Variants in EBF3 observed in about 807,000 individuals in gnomAD.
EBF3 encodes transcription factor COE3.
EBF3 carries 18 observed loss-of-function variants against 77.1 expected under a neutral mutation model. The observed-to-expected ratio is 0.23, with a 90% CI of 0.16 to 0.35. The LOEUF (loss-of-function observed/expected upper bound fraction) is 0.35, where lower values mean the gene tolerates loss of function less well. EBF3 is among the 10% of genes least tolerant of loss of function. EBF3 has a pLI of 1.00. For missense variants in EBF3, 558 were observed against 860.0 expected, an observed-to-expected ratio of 0.65 and a Z score of 4.39; for synonymous variants, 350 against 343.5, an observed-to-expected ratio of 1.02 and a Z score of -0.21.
At chr10:129,867,053 G>A (rs1475546873) in intron 10 of EBF3, 88 bp downstream of exon 10, 56 of 1,502,292 alleles carry the variant, frequency 3.7e-5, no homozygotes, top group Admixed American at 4.6e-5. Context: ...TGCCCTCTCT[G>A]TACAGTCCTC....
intron 6 of EBF3, among the ~76,000 whole-genome samples, chr10:129,948,264 A>C (rs1216828648): frequency 1.4e-5 from 2 of 142,296 alleles, no homozygotes; most frequent in East Asian, 2.0e-4. Context: ...CGTCTCAAAA[A>C]AAAAAAAAAA....
rs376030950 is a variant in EBF3, at chr10:129,873,475, G to T, written c.758C>A (p.Thr253Lys). 1 of 1,569,646 alleles carries T rather than the reference G, an allele frequency of 6.4e-7. No individual in the cohort carries two copies. Among genetic ancestry groups the T allele is most frequent in the Non-Finnish European group, 8.7e-7 (1 of 1,155,786 alleles). Residue 253 changes from threonine to lysine, a missense_variant, in exon 8 of 17, where the codon ACG (threonine) becomes AAG (lysine). By Grantham distance (78) the Thr-to-Lys change is moderately conservative. Transcript: ENST00000440978. ...ACCATTTTCCAGATAAGAAGGGGCC[G>T]TACCTTCTGACGGGTCTAGGCGGCG... ...RARRLDPSEGTAPSYLENATP... is the reference protein window; with the variant it reads ...RARRLDPSEGKAPSYLENATP...
rs115589934 is a variant in EBF3 at position 129,845,903 on chromosome 10, C to T, written c.1128+2489G>A. ...TAATTTGTTAGAGCACAATTCCATG[C>T]ATAAAATGTAATTTGTTTTTTCTGC... On this transcript the variant is annotated intron_variant, in intron 11 of 16. Transcript: ENST00000440978. 628 of 148,612 alleles carry T rather than the reference C, an allele frequency of 4.2e-3. 3 individuals are homozygous for T. The highest frequency in any genetic ancestry group is 0.015 in the African/African-American group (592 of 40,508). 9.2% of individuals were successfully genotyped at this position (148,612 alleles called of 1,614,324 possible).
intron 6 of EBF3, among the ~76,000 whole-genome samples, chr10:129,956,802 C>T (rs1278251477): frequency 2.0e-5 from 3 of 152,192 alleles, no homozygotes; most frequent in African/African-American, 4.8e-5. Flanking sequence ...ACACATTTTG[C>T]AACTAATTGA....
At position 129,963,873 on chromosome 10, in the gene EBF3, T is replaced by A; in HGVS notation, c.-105A>T. ...GCTGCCCTGGCCGCCCTCGCCCTGC[T>A]CGGCGCCTGCGGTCCGGCCCCGCCG... is the stretch of plus-strand genomic sequence containing the variant. On this transcript the variant is annotated 5_prime_UTR_variant, in exon 1 of 17. Coordinates refer to ENST00000440978, the MANE Select transcript of EBF3 (RefSeq NM_001375380.1). The surrounding 1 kb of genome is among the most constrained non-coding windows in gnomAD (Gnocchi z 7.1). 7 of 1,244,666 alleles carry A rather than the reference T, an allele frequency of 5.6e-6. No individual in the cohort carries two copies. The highest frequency in any genetic ancestry group is 7.1e-6 in the Non-Finnish European group (7 of 988,214). The allele number at this position is 1,244,666 out of a possible 1,614,324, so 77.1% of individuals were successfully genotyped here. A position where few individuals can be genotyped will look rare whatever the true frequency, so the allele number is the denominator to read the frequency against.
At chr10:129,962,276 C>A (rs765698757) in intron 3 of EBF3, 50 bp from the exon 4 acceptor site, 2 of 1,585,040 alleles carry the variant, frequency 1.3e-6, no homozygotes, top group South Asian at 1.1e-5. Context: ...TGCTGCACCT[C>A]GGGGAGGGCA....
rs557992412 is a variant in EBF3, at chr10:129,890,308, C to T, written c.555-12459G>A. Among the ~76,000 whole-genome samples, 12 of 152,310 alleles carry T rather than the reference C, an allele frequency of 7.9e-5. No homozygotes were observed. The East Asian group carries it at 2.1e-3, about 27-fold the overall frequency. On this transcript the variant is annotated intron_variant, in intron 6 of 16. Coordinates refer to ENST00000440978, the MANE Select transcript of EBF3 (RefSeq NM_001375380.1). Reference sequence around the variant, plus strand: ...GACCCTGAACTGTGGCCTGGACTGCCGAGACCCCAGGCGGCAGGCCGGCTC... The same window carrying T: ...GACCCTGAACTGTGGCCTGGACTGCTGAGACCCCAGGCGGCAGGCCGGCTC...
chr10:129,957,387 T>C, intron 5 of EBF3, 61 bp from the exon 6 acceptor site: 2 of 1,338,960 alleles, frequency 1.5e-6, no homozygotes, highest in Non-Finnish European at 2.0e-6. Flanking sequence ...GCCCGACTTG[T>C]ATTTTTTTTT....
intron 9 of EBF3, 46 bp downstream of exon 9, chr10:129,867,736 C>T: frequency 6.2e-7 from 1 of 1,608,044 alleles, no homozygotes; most frequent in Non-Finnish European, 8.5e-7. Context: ...CAAATCCATT[C>T]ATGAAGACAG....
At chr10:129,930,198 C>T (rs1487254383) in intron 6 of EBF3, among the ~76,000 whole-genome samples, 6 of 152,194 alleles carry the variant, frequency 3.9e-5, no homozygotes, top group Non-Finnish European at 8.8e-5. Context: ...AGTTCTGAGG[C>T]CTTCAGACTT....
At chr10:129,925,746 A>T (rs1245071867) in intron 6 of EBF3, among the ~76,000 whole-genome samples, 1 of 152,188 alleles carries the variant, frequency 6.6e-6, no homozygotes, top group Admixed American at 6.5e-5. Context: ...AAATTGGAAA[A>T]AAAAATAAAA....
chr10:129,947,902 G>A lies in EBF3; in HGVS notation c.554+9356C>T, dbSNP rs1308006898. Among the ~76,000 whole-genome samples the A allele has an allele frequency of 1.3e-5, 2 of 151,926 alleles. No individual in the cohort carries two copies. The highest frequency in any genetic ancestry group is 4.8e-5 in the African/African-American group (2 of 41,352). ...AATTATATTCAAAGAGAGTATTATC[G>A]GTGAGCTAAAAAGTCACAAGAAGAC... On this transcript the variant is annotated intron_variant, in intron 6 of 16. Transcript: ENST00000440978. The surrounding 1 kb of genome is among the most constrained non-coding windows in gnomAD (Gnocchi z 4.5).
At chr10:129,954,753 C>G (rs779243568) in intron 6 of EBF3, among the ~76,000 whole-genome samples, 1 of 152,154 alleles carries the variant, frequency 6.6e-6, no homozygotes, top group Non-Finnish European at 1.5e-5. Flanking sequence ...GCCGGCAAAG[C>G]ACGTTGTATA....
Position 129,841,115 on chromosome 10 carries a change from A to T in EBF3, c.1373-83T>A. The T allele has an allele frequency of 6.6e-7, 1 of 1,520,588 alleles. No individual in the cohort carries two copies. Among genetic ancestry groups the T allele is most frequent in the South Asian group, 1.3e-5 (1 of 79,826 alleles). The allele number at this position is 1,520,588 out of a possible 1,614,324, so 94.2% of individuals were successfully genotyped here. ...GGGGGGTTCCCCGAGAATCTATATC[A>T]TATATTAACATTGCTAATTGACCCT... On this transcript the variant is annotated intron_variant, in intron 13 of 16. Transcript: ENST00000440978. The surrounding 1 kb of genome is among the most constrained non-coding windows in gnomAD (Gnocchi z 4.6).
chr10:129,927,851 C>T (rs1391634754), intron 6 of EBF3, among the ~76,000 whole-genome samples: 1 of 152,196 alleles, frequency 6.6e-6, no homozygotes. Context: ...TGCTCCCCTC[C>T]TCTGCCCTGC....
At chr10:129,931,951 G>T (rs1421295574) in intron 6 of EBF3, among the ~76,000 whole-genome samples, 2 of 152,100 alleles carry the variant, frequency 1.3e-5, no homozygotes, top group African/African-American at 4.8e-5. Context: ...TTTCAGAGGT[G>T]ACCAAGCCTC....
At chr10:129,954,375 T>C (rs761213355) in intron 6 of EBF3, among the ~76,000 whole-genome samples, 4 of 152,112 alleles carry the variant, frequency 2.6e-5, no homozygotes, top group Non-Finnish European at 5.9e-5. Flanking sequence ...ACCTTTGCAG[T>C]GCATGAAATG....
intron 6 of EBF3, among the ~76,000 whole-genome samples, chr10:129,910,396 G>T (rs960764930): frequency 2.0e-5 from 3 of 152,158 alleles, no homozygotes; most frequent in African/African-American, 7.2e-5. Flanking sequence ...ACAGCTATGT[G>T]TATGCACACA....
chr10:129,841,042 T>TCCGCC lies in EBF3; in HGVS notation c.1373-11_1373-10insGGCGG. 17 of 1,507,650 alleles carry TCCGCC rather than the reference T, an allele frequency of 1.1e-5. No homozygotes were observed. The highest frequency in any genetic ancestry group is 5.2e-5 in the South Asian group (4 of 76,902). 93.4% of individuals were successfully genotyped at this position (1,507,650 alleles called of 1,614,324 possible). On this transcript the variant is annotated splice_polypyrimidine_tract_variant and intron_variant, in intron 13 of 16. Transcript: ENST00000440978. This position sits in a 1 kb window ranked among gnomAD's most constrained non-coding sequence, Gnocchi z 4.6. ...TTGCGACTGTAGCCGACTGTTGAAATCCCCCCCCCGGCCAAAAATAACATT... is the reference window on the plus strand; with the variant it reads ...TTGCGACTGTAGCCGACTGTTGAAATCCGCCCCCCCCCCCGGCCAAAAATAACATT...
Sources: gnomAD v4.1 joint callset for allele counts (sites outside exome capture counted in the v4.1 genomes callset) on GRCh38, gnomAD v4.1.1 for gene constraint, Gnocchi (gnomAD v3.1) non-coding constraint, MANE v1.5 for transcripts, NCBI Gene and HGNC (gene_info 2026-07-23, HGNC 2026-07-21) for gene names.